The following RAPGEF4 variants were observed in gnomAD, a reference collection of about 807,000 sequenced individuals.
RAPGEF4 encodes RAP guanine-nucleotide-exchange factor (GEF) 4.
In RAPGEF4, 66 loss-of-function variants were observed where a neutral mutation model predicts 147.9. The ratio of observed to expected loss-of-function variants is 0.45; its 90% CI spans 0.37 to 0.55. The LOEUF (loss-of-function observed/expected upper bound fraction) is 0.55, where lower values mean the gene tolerates loss of function less well. Among genes scored for constraint, RAPGEF4 ranks in the 20% least tolerant of loss-of-function variants. The pLI is 0.00. For missense variants in RAPGEF4, 1,071 were observed against 1,257.3 expected (o/e 0.85, Z 2.24); for synonymous variants, 419 against 442.7 (o/e 0.95, Z 0.67).
intron 4 of RAPGEF4, among the ~76,000 whole-genome samples, chr2:172,816,559 T>G (rs1184853333): frequency 6.6e-6 from 1 of 152,180 alleles, no homozygotes; most frequent in African/African-American, 2.4e-5. Context: ...TGTATCAGAG[T>G]ACCTTTTAGG....
At chr2:173,039,479 T>C (rs1413075809) in intron 29 of RAPGEF4, among the ~76,000 whole-genome samples, 2 of 148,262 alleles carry the variant, frequency 1.3e-5, no homozygotes, top group East Asian at 4.0e-4. Flanking sequence ...AAAAAAAAAG[T>C]TCAAGCAGGT....
chr2:172,795,204 TG>T lies in RAPGEF4; in HGVS notation c.208+39del, dbSNP rs778226547. 3.2e-5 allele frequency: 49 copies of T among 1,554,952 alleles called. No individual in the cohort carries two copies. In the African/African-American group the frequency reaches 6.0e-4, roughly 19 times the overall value. On this transcript the variant is annotated intron_variant, in intron 2 of 30. Coordinates refer to ENST00000397081, the MANE Select transcript of RAPGEF4 (RefSeq NM_007023.4). The stretch of plus-strand genomic sequence containing the variant: ...AACTCTTGTAGTATATTTCCATGTA[TG>T]GTTTATGCTGATTTGTGGTTACTTT...
intron 1 of RAPGEF4, among the ~76,000 whole-genome samples, chr2:172,743,213 G>A (rs1694457558): frequency 6.6e-6 from 1 of 152,172 alleles, no homozygotes; most frequent in Non-Finnish European, 1.5e-5. Flanking sequence ...TAGGAGTACT[G>A]AGAGACTGAG....
intron 1 of RAPGEF4, among the ~76,000 whole-genome samples, chr2:172,764,013 G>T (rs189978732): frequency 4.7e-4 from 72 of 152,178 alleles, no homozygotes; most frequent in African/African-American, 1.7e-3. Context: ...CACTGTGGGA[G>T]ACCGAGATGG....
intron 27 of RAPGEF4, among the ~76,000 whole-genome samples, chr2:173,034,880 A>G (rs1294862477): frequency 1.5e-5 from 2 of 137,380 alleles, no homozygotes; most frequent in Non-Finnish European, 3.0e-5. Context: ...CTCAACACAC[A>G]CACACACACA....
At chr2:172,882,558 T>G (rs1485611097) in intron 4 of RAPGEF4, among the ~76,000 whole-genome samples, 1 of 152,164 alleles carries the variant, frequency 6.6e-6, no homozygotes, top group African/African-American at 2.4e-5. Flanking sequence ...AGGCTGTGTG[T>G]TATGAGGGAA....
chr2:172,794,319 C>T (rs1212267694), intron 1 of RAPGEF4, among the ~76,000 whole-genome samples: 1 of 146,710 alleles, frequency 6.8e-6, no homozygotes, highest in East Asian at 2.0e-4. Flanking sequence ...TGCACTCCAG[C>T]CTGGGCAACA....
At chr2:173,010,963 A>G (rs1256226981) in intron 17 of RAPGEF4, among the ~76,000 whole-genome samples, 2 of 152,194 alleles carry the variant, frequency 1.3e-5, no homozygotes, top group Non-Finnish European at 2.9e-5. Flanking sequence ...TTGTGAAATA[A>G]GTCAGCGCTT....
At chr2:172,979,564 C>T (rs1421222550) in intron 10 of RAPGEF4, among the ~76,000 whole-genome samples, 1 of 152,228 alleles carries the variant, frequency 6.6e-6, no homozygotes, top group Non-Finnish European at 1.5e-5. Flanking sequence ...ATTTAGATCT[C>T]AAATTCAGTT....
Position 172,757,086 on chromosome 2 carries a change from G to T in RAPGEF4, c.65+21038G>T, listed in dbSNP as rs577031252. On this transcript the variant is annotated intron_variant, in intron 1 of 30. Coordinates refer to ENST00000397081, the MANE Select transcript of RAPGEF4 (RefSeq NM_007023.4). ...GAGATCTTGGAGTTGATTGGAATGT[G>T]CTCTGTTTTGGAACACAAGATTAAT... 9.2e-5 allele frequency among the ~76,000 whole-genome samples: 14 copies of T among 152,356 alleles called. No individual in the cohort carries two copies. In the South Asian group the frequency reaches 2.9e-3, roughly 32 times the overall value.
intron 4 of RAPGEF4, among the ~76,000 whole-genome samples, chr2:172,901,433 C>G (rs1024797895): frequency 2.0e-5 from 3 of 152,202 alleles, no homozygotes; most frequent in Non-Finnish European, 4.4e-5. Context: ...CCATGTACAT[C>G]ATATGATTTT....
intron 1 of RAPGEF4, among the ~76,000 whole-genome samples, chr2:172,773,051 C>T (rs987181138): frequency 1.3e-5 from 2 of 152,122 alleles, no homozygotes. Context: ...TCTTGGCCCA[C>T]CCAGAAATGC....
At position 172,860,075 on chromosome 2, in the gene RAPGEF4, A is replaced by G. The variant is rs193089470; in HGVS notation, c.444+45650A>G. 1,185 of 985,388 alleles carry G rather than the reference A, an allele frequency of 1.2e-3. 4 individuals are homozygous for G. The highest frequency in any genetic ancestry group is 1.4e-3 in the Non-Finnish European group (1,142 of 829,878). 61.0% of individuals were successfully genotyped at this position (985,388 alleles called of 1,614,324 possible). A position where few individuals can be genotyped will look rare whatever the true frequency, so the allele number is the denominator to read the frequency against. ...CAATGATAAAGCCGGGGCTACGGCT[A>G]AAGAAAGGTAGGATGCATACGCAGA... On this transcript the variant is annotated intron_variant, in intron 4 of 30. Coordinates refer to ENST00000397081, the MANE Select transcript of RAPGEF4 (RefSeq NM_007023.4).
In RAPGEF4 at chr2:173,042,176, C is replaced by T. The variant is rs75925485; in HGVS notation, c.2853+5484C>T. Among the ~76,000 whole-genome samples, 6,295 of 152,290 alleles carry T rather than the reference C, an allele frequency of 0.041. 192 individuals are homozygous for T. Among genetic ancestry groups the T allele is most frequent in the Admixed American group, 0.082 (1,250 of 15,298 alleles). ...TCTCCAGCACCATAAAAATATCTGACGCATTATTTCCCCAGCACCCATAAA... is the reference window on the plus strand; with the variant it reads ...TCTCCAGCACCATAAAAATATCTGATGCATTATTTCCCCAGCACCCATAAA... On this transcript the variant is annotated intron_variant, in intron 29 of 30. Transcript: ENST00000397081. The surrounding 1 kb of genome is among the most constrained non-coding windows in gnomAD (Gnocchi z 4.2).
At position 173,018,685 on chromosome 2, in the gene RAPGEF4, A is replaced by T. The variant is rs1168307507; in HGVS notation, c.2038A>T (p.Thr680Ser). Residue 680 changes from threonine to serine, a missense_variant, in exon 22 of 31, where the codon ACC becomes TCC. Thr to Ser is a moderately conservative substitution (Grantham distance 58, BLOSUM62 1). Coordinates refer to ENST00000397081, the MANE Select transcript of RAPGEF4 (RefSeq NM_007023.4). ...VLFKVYCMDH[T>S]YTTIRVPVAT... is the part of the protein sequence containing the mutation. ...GTTTAAGGTCTATTGCATGGACCAC[A>T]CCTACACAACCATTCGGGTGCCAGT... 1.2e-6 allele frequency: 2 copies of T among 1,614,102 alleles called. No individual in the cohort carries two copies. The highest frequency in any genetic ancestry group is 1.7e-6 in the Non-Finnish European group (2 of 1,180,012).
intron 25 of RAPGEF4, among the ~76,000 whole-genome samples, chr2:173,029,387 G>A (rs1209594135): frequency 3.3e-5 from 5 of 152,202 alleles, no homozygotes; most frequent in African/African-American, 7.2e-5. Context: ...CAGGGACCTG[G>A]TATGAAGAAG....
At chr2:172,822,053 G>C (rs769929662) in intron 4 of RAPGEF4, 4 of 1,548,192 alleles carry the variant, frequency 2.6e-6, no homozygotes, top group Non-Finnish European at 1.8e-6. Context: ...TTGCATTTTG[G>C]AATTATGCTC....
At chr2:172,957,846 A>C (rs1688898382) in intron 6 of RAPGEF4, among the ~76,000 whole-genome samples, 1 of 152,228 alleles carries the variant, frequency 6.6e-6, no homozygotes. Context: ...TAGAAGTTGC[A>C]AATCAAAGAA....
intron 17 of RAPGEF4, among the ~76,000 whole-genome samples, chr2:173,006,023 G>T (rs1045145350): frequency 2.4e-4 from 37 of 152,178 alleles, no homozygotes; most frequent in Admixed American, 2.4e-3. Context: ...CCAAAGACTG[G>T]TTCTGCAACG....
Sources: gnomAD v4.1 joint callset for allele counts (sites outside exome capture counted in the v4.1 genomes callset) on GRCh38, gnomAD v4.1.1 for gene constraint, Gnocchi (gnomAD v3.1) non-coding constraint, MANE v1.5 for transcripts, NCBI Gene and HGNC (gene_info 2026-07-23, HGNC 2026-07-21) for gene names.